CLPTM1L: variants seen among roughly 807,000 people sequenced by gnomAD.
CLPTM1L encodes the protein lipid scramblase CLPTM1L.
Under a neutral mutation model 70.9 loss-of-function variants are expected in CLPTM1L, and 38 were observed. That is an observed-to-expected ratio of 0.54 (90% confidence interval 0.41 to 0.70). The LOEUF is 0.70. Among genes scored for constraint, CLPTM1L ranks in the 30% least tolerant of loss-of-function variants. CLPTM1L has a pLI of 0.00. For missense variants in CLPTM1L, 652 were observed against 705.9 expected (o/e 0.92, Z 0.87); for synonymous variants, 339 against 299.9 (o/e 1.13, Z -1.35).
In CLPTM1L at chr5:1,342,921, G is replaced by A. The variant is rs1051016479; in HGVS notation, c.264-1061C>T. 1.1e-4 allele frequency among the ~76,000 whole-genome samples: 17 copies of A among 152,232 alleles called. No homozygotes were observed. Among genetic ancestry groups the A allele is most frequent in the Admixed American group, 2.0e-4 (3 of 15,290 alleles). ...AAAAATCTTACGGTTGGCCGGGTGCGGCGGCTCACGCCTGTAATCCCAGCA... is the reference window on the plus strand; with the variant it reads ...AAAAATCTTACGGTTGGCCGGGTGCAGCGGCTCACGCCTGTAATCCCAGCA... On this transcript the variant is annotated intron_variant, in intron 2 of 16. Transcript: ENST00000320895. The surrounding 1 kb of genome is among the most constrained non-coding windows in gnomAD (Gnocchi z 4.3).
intron 16 of CLPTM1L, among the ~76,000 whole-genome samples, chr5:1,320,008 A>G (rs1299345511): frequency 1.3e-5 from 2 of 152,152 alleles, no homozygotes; most frequent in East Asian, 3.9e-4. Flanking sequence ...GTGGGGCCTG[A>G]GCCTCTGCAT....
At position 1,344,695 on chromosome 5, in the gene CLPTM1L, C is replaced by A. The variant is rs533269985; in HGVS notation, c.147G>T (p.Arg49=). The change falls in exon 1 of 17, where the codon CGG becomes CGT. Residue 49 remains arginine (R), a synonymous_variant. Coordinates refer to ENST00000320895, the MANE Select transcript of CLPTM1L (RefSeq NM_030782.5). ...GGACGCTCACCTGCAGCTTGGGCCGCCGCGCCAGGTAGGGCTGGATGCAGT... is the reference window on the plus strand; with the variant it reads ...GGACGCTCACCTGCAGCTTGGGCCGACGCGCCAGGTAGGGCTGGATGCAGT... ...DANCIQPYLA[R]RPKLQLSVYT... 3 of 1,567,122 alleles carry A rather than the reference C, an allele frequency of 1.9e-6. No individual in the cohort carries two copies. Among genetic ancestry groups the A allele is most frequent in the Middle Eastern group, 1.7e-4 (1 of 5,934 alleles).
intron 9 of CLPTM1L, 64 bp downstream of exon 9, chr5:1,330,216 G>A: frequency 7.3e-7 from 1 of 1,364,434 alleles, no homozygotes; most frequent in South Asian, 1.2e-5. Flanking sequence ...GGGGCTGAAA[G>A]CCTTTCCTGA....
At chr5:1,328,728 T>G (rs1752831414) in intron 9 of CLPTM1L, among the ~76,000 whole-genome samples, 1 of 149,740 alleles carries the variant, frequency 6.7e-6, no homozygotes. Flanking sequence ...GCTCCTCCTC[T>G]ACAGACACAT....
intron 8 of CLPTM1L, chr5:1,330,592 T>G: frequency 1.8e-6 from 1 of 558,332 alleles, no homozygotes; most frequent in Non-Finnish European, 3.2e-6. Context: ...ACTGAACAGC[T>G]GGCCCCACAC....
chr5:1,324,477 C>A (rs1006455372), intron 11 of CLPTM1L, among the ~76,000 whole-genome samples: 1 of 152,216 alleles, frequency 6.6e-6, no homozygotes, highest in African/African-American at 2.4e-5. Flanking sequence ...CCATGGCCTG[C>A]GTCAGCTGCC....
intron 16 of CLPTM1L, chr5:1,320,284 GTC>G (rs1278625365): frequency 9.3e-6 from 2 of 215,314 alleles, no homozygotes; most frequent in East Asian, 2.1e-4. Flanking sequence ...CCATGCTACG[GTC>G]TCTGTTCTGC....
At chr5:1,332,012 G>C in intron 7 of CLPTM1L, 129 bp from the exon 8 acceptor site, 1 of 749,020 alleles carries the variant, frequency 1.3e-6, no homozygotes, top group Non-Finnish European at 2.3e-6. Flanking sequence ...ATCAGGATAA[G>C]TGTCTACACT....
rs755625632 is a variant in CLPTM1L at position 1,342,485 on chromosome 5, GT to G, written c.264-626del. Among the ~76,000 whole-genome samples, 6 of 152,232 alleles carry G rather than the reference GT, an allele frequency of 3.9e-5. No homozygotes were observed. The highest frequency in any genetic ancestry group is 5.9e-5 in the Non-Finnish European group (4 of 68,040). ...GCTACAACTGTAGGCCTCGGACCAG[GT>G]GCCTGGCTCTTCACCCGCACACCAG... is the stretch of plus-strand genomic sequence containing the variant. On this transcript the variant is annotated intron_variant, in intron 2 of 16. Transcript: ENST00000320895. This position sits in a 1 kb window ranked among gnomAD's most constrained non-coding sequence, Gnocchi z 4.3.
chr5:1,335,041 C>T lies in CLPTM1L; in HGVS notation c.796+16G>A, dbSNP rs376231200. 57 of 1,603,386 alleles carry T rather than the reference C, an allele frequency of 3.6e-5. No individual in the cohort carries two copies. The Admixed American group carries it at 6.5e-4, about 18-fold the overall frequency. ...AGGGCGGCCTCACCCAGGCGCCGGC[C>T]GTGTGCGGCACATACCGAACTGCTG... On this transcript the variant is annotated intron_variant, in intron 6 of 16. Transcript: ENST00000320895.
At chr5:1,327,856 T>G (rs1167003934) in intron 9 of CLPTM1L, among the ~76,000 whole-genome samples, 4 of 142,482 alleles carry the variant, frequency 2.8e-5, no homozygotes, top group Non-Finnish European at 4.6e-5. Flanking sequence ...GCTCCTCCTC[T>G]ACAGACACAT....
chr5:1,322,827 G>C (rs778591040), intron 13 of CLPTM1L, 50 bp downstream of exon 13: 1 of 1,586,770 alleles, frequency 6.3e-7, no homozygotes, highest in East Asian at 2.2e-5. Flanking sequence ...CAATTAAATC[G>C]CTGCCTGCTG....
At chr5:1,341,002 G>GCTCC (rs1753905296) in intron 3 of CLPTM1L, among the ~76,000 whole-genome samples, 1 of 152,182 alleles carries the variant, frequency 6.6e-6, no homozygotes, top group Non-Finnish European at 1.5e-5. Flanking sequence ...CTGACTGCAG[G>GCTCC]TGATCCACCT....
chr5:1,323,713 C>T, intron 12 of CLPTM1L, 74 bp downstream of exon 12: 1 of 1,352,430 alleles, frequency 7.4e-7, no homozygotes, highest in Non-Finnish European at 1.1e-6. Flanking sequence ...CAGTCGCACC[C>T]CGCTCTGGCT....
In CLPTM1L at chr5:1,318,524, C is replaced by A; in HGVS notation, c.1533-71G>T. 1 of 1,274,310 alleles carries A rather than the reference C, an allele frequency of 7.8e-7. No individual in the cohort carries two copies. The highest frequency in any genetic ancestry group is 1.1e-6 in the Non-Finnish European group (1 of 883,186). The allele number at this position is 1,274,310 out of a possible 1,614,324, so 78.9% of individuals were successfully genotyped here. On this transcript the variant is annotated intron_variant, in intron 16 of 16. Transcript: ENST00000320895. The surrounding 1 kb of genome is among the most constrained non-coding windows in gnomAD (Gnocchi z 8.9). ...CTATTTTTCTAAGAGGAGGACTTGG[C>A]ATCCTCGATTTATTTTCCAGTGAGC...
intron 11 of CLPTM1L, 70 bp downstream of exon 11, chr5:1,324,693 G>T: frequency 7.1e-7 from 1 of 1,405,768 alleles, no homozygotes; most frequent in African/African-American, 1.4e-5. Context: ...AGCAATGACA[G>T]TAAAAGACCC....
rs548998401 is a variant in CLPTM1L at position 1,337,601 on chromosome 5, T to C, written c.678+303A>G. ...CAGACGCTGTTTCACACGGTGCTCA[T>C]GTGCCTGCTCTCTAAGCGCTGCCCT... is the stretch of plus-strand genomic sequence containing the variant. On this transcript the variant is annotated intron_variant, in intron 5 of 16. Coordinates refer to ENST00000320895, the MANE Select transcript of CLPTM1L (RefSeq NM_030782.5). Among the ~76,000 whole-genome samples the C allele has an allele frequency of 5.3e-5, 8 of 152,378 alleles. 1 individual carries two copies. The highest frequency in any genetic ancestry group is 8.8e-5 in the Non-Finnish European group (6 of 68,032).
Position 1,323,792 on chromosome 5 carries a change from A to G in CLPTM1L, c.1275T>C (p.Tyr425=). ...GAVYSLLNIK[Y]KSWYSWLINS... ...AAGCGTGTGCGGCCTCCTACCTCTT[A>G]TATTTGATATTCAGGAGTGAATAGA... Residue 425 remains tyrosine (Y), a synonymous_variant, in exon 12 of 17, where the codon TAT becomes TAC. Transcript: ENST00000320895. The G allele has an allele frequency of 1.9e-6, 3 of 1,612,366 alleles. No individual in the cohort carries two copies. The highest frequency in any genetic ancestry group is 2.2e-5 in the South Asian group (2 of 91,048).
Position 1,344,667 on chromosome 5 carries a change from C to T in CLPTM1L, c.162+13G>A, listed in dbSNP as rs758717308. On this transcript the variant is annotated intron_variant, in intron 1 of 16. Transcript: ENST00000320895. ...CCCCAACCCGCCCGGCCCCCGGCCC[C>T]GCGGACGCTCACCTGCAGCTTGGGC... 6 of 1,547,418 alleles carry T rather than the reference C, an allele frequency of 3.9e-6. No homozygotes were observed. Among genetic ancestry groups the T allele is most frequent in the Admixed American group, 2.0e-5 (1 of 50,780 alleles).
Sources: allele counts gnomAD v4.1 joint callset (sites outside exome capture counted in the v4.1 genomes callset), GRCh38; gene constraint gnomAD v4.1.1; non-coding constraint Gnocchi (gnomAD v3.1); transcripts MANE v1.5; gene names NCBI Gene and HGNC (gene_info 2026-07-23, HGNC 2026-07-21).